MCCC1: variants seen among roughly 807,000 people sequenced by gnomAD.
The protein encoded by MCCC1 is methylcrotonyl-CoA carboxylase subunit 1, also known as methylcrotonoyl-CoA carboxylase subunit alpha, mitochondrial.
In MCCC1, 64 loss-of-function variants were observed where a neutral mutation model predicts 83.8. The ratio of observed to expected loss-of-function variants is 0.76; its 90% CI spans 0.62 to 0.94. The LOEUF is 0.94. MCCC1 is among the 40% of genes least tolerant of loss of function. The pLI, the probability that MCCC1 is intolerant of heterozygous loss-of-function variation, is 0.00. For missense variants in MCCC1, 807 were observed against 904.7 expected (o/e 0.89, Z 1.39); for synonymous variants, 322 against 315.4 (o/e 1.02, Z -0.22).
chr3:183,050,975 A>T (rs1334206345), intron 9 of MCCC1, among the ~76,000 whole-genome samples: 1 of 152,212 alleles, frequency 6.6e-6, no homozygotes, highest in Non-Finnish European at 1.5e-5. Context: ...GCAAATTAAA[A>T]CAATGAGATA....
At chr3:183,021,434 G>A (rs1010827499) in intron 16 of MCCC1, among the ~76,000 whole-genome samples, 19 of 152,148 alleles carry the variant, frequency 1.2e-4, no homozygotes, top group African/African-American at 4.6e-4. Flanking sequence ...TACCCAGACT[G>A]GTCTCAAACT....
At chr3:183,016,225 C>T (rs775588088) in intron 18 of MCCC1, 2 of 145,500 alleles carry the variant, frequency 1.4e-5, no homozygotes, top group African/African-American at 5.2e-5. Flanking sequence ...CTGCGCCTGG[C>T]CTTGTTGTTT....
At chr3:183,021,267 C>G (rs1480695046) in intron 16 of MCCC1, among the ~76,000 whole-genome samples, 1 of 152,136 alleles carries the variant, frequency 6.6e-6, no homozygotes, top group Non-Finnish European at 1.5e-5. Context: ...CTCTGCCACC[C>G]AGGCTGGAGT....
chr3:183,061,594 C>G (rs1038610824), intron 7 of MCCC1, among the ~76,000 whole-genome samples: 2 of 152,148 alleles, frequency 1.3e-5, no homozygotes, highest in Non-Finnish European at 2.9e-5. Flanking sequence ...AGCCATTTTT[C>G]AAAATTCCCA....
chr3:183,114,831 T>C (rs986792745), intron 1 of MCCC1, among the ~76,000 whole-genome samples: 5 of 152,238 alleles, frequency 3.3e-5, no homozygotes, highest in South Asian at 2.1e-4. Flanking sequence ...TGCTGTTGCT[T>C]TAGATGTTAA....
At chr3:183,023,393 A>G (rs1479151684) in intron 15 of MCCC1, among the ~76,000 whole-genome samples, 1 of 152,230 alleles carries the variant, frequency 6.6e-6, no homozygotes, top group African/African-American at 2.4e-5. Flanking sequence ...GTAACCTACT[A>G]AAACAGCCAT....
intron 3 of MCCC1, among the ~76,000 whole-genome samples, chr3:183,092,102 T>C (rs184798168): frequency 1.3e-5 from 2 of 152,180 alleles, no homozygotes; most frequent in East Asian, 3.9e-4. Flanking sequence ...TCCTTGTATA[T>C]ACGGAATCTG....
chr3:183,072,308 C>A lies in MCCC1; in HGVS notation c.491+58G>T, dbSNP rs140470239. The A allele has an allele frequency of 2.9e-3, 4,635 of 1,600,846 alleles. 36 individuals are homozygous for A. The highest frequency in any genetic ancestry group is 2.2e-3 in the Non-Finnish European group (2,530 of 1,170,022). On this transcript the variant is annotated intron_variant, in intron 5 of 18. Transcript: ENST00000265594. ...ATTACAGGCATAGCCACATGCCTGG[C>A]CCAAACTATTTCAACTGACCTTCAT...
chr3:183,089,037 T>C (rs972959844), intron 3 of MCCC1, among the ~76,000 whole-genome samples: 9 of 152,144 alleles, frequency 5.9e-5, no homozygotes, highest in African/African-American at 2.2e-4. Context: ...GTTTGTAGGG[T>C]TGGGTTGAAG....
chr3:183,062,532 T>C (rs774664548), intron 7 of MCCC1, among the ~76,000 whole-genome samples: 15 of 151,984 alleles, frequency 9.9e-5, no homozygotes, highest in Non-Finnish European at 1.9e-4. Context: ...TTTTTTGTAT[T>C]TCAGTAGAGA....
At chr3:183,058,349 T>C (rs1186071653) in intron 7 of MCCC1, among the ~76,000 whole-genome samples, 2 of 152,138 alleles carry the variant, frequency 1.3e-5, no homozygotes, top group Non-Finnish European at 2.9e-5. Flanking sequence ...GCACAGTGCC[T>C]CACACTTATA....
intron 14 of MCCC1, among the ~76,000 whole-genome samples, chr3:183,028,761 G>A (rs895108561): frequency 2.1e-4 from 32 of 152,228 alleles, no homozygotes; most frequent in Admixed American, 2.1e-3. Context: ...GCATGCTGCA[G>A]AGAAATCTTT....
upstream of MCCC1, among the ~76,000 whole-genome samples, chr3:183,102,044 G>A (rs143966106): frequency 6.2e-3 from 951 of 152,250 alleles, 11 homozygotes; most frequent in African/African-American, 0.021. Context: ...AACACTCACC[G>A]CGAGGGTGTG....
chr3:183,032,295 A>G (rs950544639), intron 14 of MCCC1, among the ~76,000 whole-genome samples: 5 of 152,206 alleles, frequency 3.3e-5, no homozygotes, highest in Middle Eastern at 3.2e-3. Flanking sequence ...CTTCTGTTCA[A>G]TTCAGGTTGA....
intron 13 of MCCC1, 103 bp from the exon 14 acceptor site, chr3:183,034,180 G>A (rs1348681427): frequency 1.2e-5 from 10 of 820,310 alleles, no homozygotes; most frequent in Non-Finnish European, 2.0e-5. Flanking sequence ...GCCGGGCACA[G>A]TGGCTCATGC....
Position 183,099,480 on chromosome 3 carries a change from A to G in MCCC1, c.-40T>C. On this transcript the variant is annotated 5_prime_UTR_variant, in exon 1 of 19. Coordinates refer to ENST00000265594, the MANE Select transcript of MCCC1 (RefSeq NM_020166.5). ...GCCACTCCGTGACTCCCCAGTACAG[A>G]GGCAGCTGCGTCCCACACGCCAAAC... 6.4e-7 allele frequency: 1 copy of G among 1,572,322 alleles called. No homozygotes were observed. The highest frequency in any genetic ancestry group is 1.2e-5 in the South Asian group (1 of 86,344).
intron 14 of MCCC1, among the ~76,000 whole-genome samples, chr3:183,028,868 A>G (rs71314276): frequency 1.3e-5 from 2 of 152,364 alleles, no homozygotes. Flanking sequence ...TTGCCACTAT[A>G]AATCAATCAC....
chr3:183,111,520 G>A (rs1410592163), intron 1 of MCCC1, among the ~76,000 whole-genome samples: 14 of 152,100 alleles, frequency 9.2e-5, no homozygotes, highest in Admixed American at 8.5e-4. Context: ...GGCTGGTTTC[G>A]AACTCCTGAC....
chr3:183,045,346 C>G (rs1213744824), intron 10 of MCCC1, 67 bp downstream of exon 10: 1 of 1,596,594 alleles, frequency 6.3e-7, no homozygotes, highest in African/African-American at 1.3e-5. Flanking sequence ...TGCCAAAGTG[C>G]TGGGACTACA....
Sources: allele counts gnomAD v4.1 joint callset (sites outside exome capture counted in the v4.1 genomes callset), GRCh38; gene constraint gnomAD v4.1.1; transcripts MANE v1.5; gene names NCBI Gene and HGNC (gene_info 2026-07-23, HGNC 2026-07-21).